Variants in KSR2 observed in about 807,000 individuals in gnomAD.
The protein encoded by KSR2 is kinase suppressor of ras 2.
KSR2 carries 25 observed loss-of-function variants against 107.8 expected under a neutral mutation model. The observed-to-expected ratio is 0.23, with a 90% CI of 0.17 to 0.32. The LOEUF (loss-of-function observed/expected upper bound fraction) is 0.32, where lower values mean the gene tolerates loss of function less well. KSR2 is among the 10% of genes least tolerant of loss of function. The pLI, the probability that KSR2 is intolerant of heterozygous loss-of-function variation, is 1.00. For synonymous variants in KSR2, 480 were observed against 507.0 expected (o/e 0.95, Z 0.71); for missense variants, 887 against 1,268.9 (o/e 0.70, Z 4.57).
intron 3 of KSR2, among the ~76,000 whole-genome samples, chr12:117,835,733 C>T (rs1208232096): frequency 6.6e-6 from 1 of 152,022 alleles, no homozygotes; most frequent in Non-Finnish European, 1.5e-5. Flanking sequence ...GCCAGGGATG[C>T]TGTTAAACAT....
rs1321495877 is a variant in KSR2, at chr12:117,735,590, A to T, written c.986+25421T>A. 3.3e-5 allele frequency among the ~76,000 whole-genome samples: 5 copies of T among 152,134 alleles called. No homozygotes were observed. In the East Asian group the frequency reaches 9.6e-4, roughly 29 times the overall value. ...TATCATGTTAATAATAATAACTGTA[A>T]TCATGCATTTAAGATACCAGTGTCA... On this transcript the variant is annotated intron_variant, in intron 4 of 19. Transcript: ENST00000339824.
intron 3 of KSR2, among the ~76,000 whole-genome samples, chr12:117,833,736 G>C (rs1480312331): frequency 6.6e-6 from 1 of 151,868 alleles, no homozygotes; most frequent in African/African-American, 2.4e-5. Flanking sequence ...AAGACCACCG[G>C]ACACTAAGTC....
At chr12:117,886,261 A>G (rs1894176042) in intron 1 of KSR2, among the ~76,000 whole-genome samples, 2 of 150,870 alleles carry the variant, frequency 1.3e-5, no homozygotes, top group South Asian at 2.1e-4. Flanking sequence ...GTATGTTTAT[A>G]TAGCTATAAA....
At chr12:117,661,305 A>G (rs774157643) in intron 5 of KSR2, among the ~76,000 whole-genome samples, 2 of 152,260 alleles carry the variant, frequency 1.3e-5, no homozygotes. Flanking sequence ...TATTGGGGCA[A>G]TTGCTGAAAT....
At chr12:117,689,708 T>G (rs1370721702) in intron 4 of KSR2, among the ~76,000 whole-genome samples, 2 of 103,660 alleles carry the variant, frequency 1.9e-5, no homozygotes, top group Non-Finnish European at 3.8e-5. Flanking sequence ...ATGACCGTAT[T>G]TATACAAATA....
At chr12:117,548,843 T>C (rs1408177885) in intron 9 of KSR2, among the ~76,000 whole-genome samples, 1 of 152,234 alleles carries the variant, frequency 6.6e-6, no homozygotes, top group East Asian at 1.9e-4. Context: ...GAAACTCAAC[T>C]ATGATTGTGT....
chr12:117,624,652 C>T (rs1035422622), intron 5 of KSR2, among the ~76,000 whole-genome samples: 2 of 152,128 alleles, frequency 1.3e-5, no homozygotes, highest in African/African-American at 4.8e-5. Context: ...TAGCGTGATG[C>T]CTCCAGCTTT....
intron 5 of KSR2, among the ~76,000 whole-genome samples, chr12:117,597,438 T>C (rs760426743): frequency 1.3e-5 from 2 of 152,166 alleles, no homozygotes; most frequent in Non-Finnish European, 2.9e-5. Context: ...GAGATATAAT[T>C]ATAAGGATCC....
At chr12:117,570,743 T>A (rs189259747) in intron 7 of KSR2, among the ~76,000 whole-genome samples, 1 of 152,306 alleles carries the variant, frequency 6.6e-6, no homozygotes, top group Non-Finnish European at 1.5e-5. Flanking sequence ...ACATATCTCA[T>A]CACATGGAAT....
chr12:117,627,404 A>C (rs1407486549), intron 5 of KSR2, among the ~76,000 whole-genome samples: 2 of 152,224 alleles, frequency 1.3e-5, no homozygotes, highest in Non-Finnish European at 2.9e-5. Context: ...TGGTGGTGAC[A>C]AAATCTCTCA....
At chr12:117,507,701 G>A (rs899992598) in intron 14 of KSR2, among the ~76,000 whole-genome samples, 3 of 152,108 alleles carry the variant, frequency 2.0e-5, no homozygotes, top group South Asian at 2.1e-4. Context: ...ACCCCCCTGC[G>A]ATCTTGTTTG....
rs1418651072 is a variant in KSR2, at chr12:117,740,549, CATATA to C, written c.986+20457_986+20461del. Among the ~76,000 whole-genome samples, 52 of 124,028 alleles carry C rather than the reference CATATA, an allele frequency of 4.2e-4. 2 individuals are homozygous for C. The highest frequency in any genetic ancestry group is 7.4e-4 in the Non-Finnish European group (45 of 60,874). 81.4% of individuals were successfully genotyped at this position (124,028 alleles called of 152,430 possible). ...ACATATATTATATATGTAATATATG[CATATA>C]ATATATGAATATATAACATATATTA... On this transcript the variant is annotated intron_variant, in intron 4 of 19. Coordinates refer to ENST00000339824, the MANE Select transcript of KSR2 (RefSeq NM_173598.6).
chr12:117,521,286 C>G (rs1274005283), intron 14 of KSR2, among the ~76,000 whole-genome samples: 3 of 152,210 alleles, frequency 2.0e-5, no homozygotes, highest in Non-Finnish European at 2.9e-5. Context: ...ATCAGACAAG[C>G]AAAGAATACT....
At chr12:117,879,960 A>G (rs1238216552) in intron 1 of KSR2, among the ~76,000 whole-genome samples, 1 of 152,190 alleles carries the variant, frequency 6.6e-6, no homozygotes, top group Admixed American at 6.5e-5. Flanking sequence ...CAGCCTGACC[A>G]ACATGGCAAA....
rs191936649 is a variant in KSR2, at chr12:117,730,925, G to A, written c.986+30086C>T. 6.9e-3 allele frequency among the ~76,000 whole-genome samples: 1,055 copies of A among 152,086 alleles called. 13 individuals are homozygous for A. Among genetic ancestry groups the A allele is most frequent in the African/African-American group, 0.024 (995 of 41,478 alleles). On this transcript the variant is annotated intron_variant, in intron 4 of 19. Coordinates refer to ENST00000339824, the MANE Select transcript of KSR2 (RefSeq NM_173598.6). The stretch of plus-strand genomic sequence containing the variant: ...CTGAGATTGCAGCCTCTGCCCGGCC[G>A]CCACCCCGTCTAGGAAGTGAGGAGC...
In KSR2 at chr12:117,627,673, T is replaced by G. The variant is rs183468640; in HGVS notation, c.1171+39801A>C. Among the ~76,000 whole-genome samples, 17 of 152,314 alleles carry G rather than the reference T, an allele frequency of 1.1e-4. No individual in the cohort carries two copies. The East Asian group carries it at 3.3e-3, about 29-fold the overall frequency. On this transcript the variant is annotated intron_variant, in intron 5 of 19. Coordinates refer to ENST00000339824, the MANE Select transcript of KSR2 (RefSeq NM_173598.6). ...TCAACCTTGGTGAATCTGACAATTA[T>G]GTGTCTTGGGGTTGCCCTTCTCAAG...
intron 14 of KSR2, among the ~76,000 whole-genome samples, chr12:117,504,739 C>G (rs937804674): frequency 2.0e-5 from 3 of 152,150 alleles, no homozygotes; most frequent in African/African-American, 7.2e-5. Flanking sequence ...CACCCAGCAC[C>G]AGAATCTTTT....
At chr12:117,732,289 T>C (rs1254143489) in intron 4 of KSR2, among the ~76,000 whole-genome samples, 3 of 149,994 alleles carry the variant, frequency 2.0e-5, no homozygotes, top group African/African-American at 7.3e-5. Context: ...TTCCTGAATT[T>C]TTTTCTTTTT....
intron 4 of KSR2, among the ~76,000 whole-genome samples, chr12:117,682,463 G>A (rs1191617599): frequency 2.6e-5 from 4 of 151,948 alleles, no homozygotes; most frequent in Admixed American, 2.6e-4. Context: ...TGTTGCCCAG[G>A]CTGGAATGCA....
Sources: gnomAD v4.1 joint callset for allele counts (sites outside exome capture counted in the v4.1 genomes callset) on GRCh38, gnomAD v4.1.1 for gene constraint, MANE v1.5 for transcripts, NCBI Gene and HGNC (gene_info 2026-07-23, HGNC 2026-07-21) for gene names.